SAMTOR: variants seen among roughly 807,000 people sequenced by gnomAD.
SAMTOR encodes the protein S-adenosylmethionine sensor upstream of mTORC1.
the SAMTOR span, among the ~76,000 whole-genome samples, chr7:112,856,989 T>A: frequency 6.6e-6 from 1 of 151,756 alleles, no homozygotes; most frequent in African/African-American, 2.4e-5. Context: ...GGTATTGAGT[T>A]ACATATAATC....
the SAMTOR span, among the ~76,000 whole-genome samples, chr7:112,922,689 C>T: frequency 3.3e-5 from 5 of 150,946 alleles, no homozygotes; most frequent in Admixed American, 1.3e-4. Context: ...CCGGCCGCCC[C>T]GTCTGAGAAG....
At chr7:112,861,992 G>A in the SAMTOR span, among the ~76,000 whole-genome samples, 2 of 152,192 alleles carry the variant, frequency 1.3e-5, no homozygotes, top group African/African-American at 4.8e-5. Flanking sequence ...AGCGGCTCAG[G>A]CCTTTAATCC....
chr7:112,837,374 T>A, the SAMTOR span, among the ~76,000 whole-genome samples: 12 of 152,064 alleles, frequency 7.9e-5, no homozygotes, highest in Admixed American at 6.6e-5. Context: ...AATCATGTCA[T>A]CTGCAAACAG....
chr7:112,821,612 A>T, the SAMTOR span: 23 of 835,068 alleles, frequency 2.8e-5, no homozygotes, highest in Non-Finnish European at 3.7e-5. Context: ...AGAAAAAAAT[A>T]GCAAACTCTG....
chr7:112,922,484 C>T, the SAMTOR span, among the ~76,000 whole-genome samples: 5 of 151,652 alleles, frequency 3.3e-5, no homozygotes, highest in South Asian at 2.1e-4. Flanking sequence ...CGTCTCTGCC[C>T]GGCCGCCATC....
chr7:112,894,608 G>A, the SAMTOR span, among the ~76,000 whole-genome samples: 6 of 152,252 alleles, frequency 3.9e-5, no homozygotes, highest in African/African-American at 1.2e-4. Context: ...AGGCAAGAGA[G>A]AATGAGAGCC....
chr7:112,857,217 G>C, the SAMTOR span, among the ~76,000 whole-genome samples: 6 of 147,834 alleles, frequency 4.1e-5, no homozygotes, highest in East Asian at 1.2e-3. Flanking sequence ...TCAGCCTCCC[G>C]AGTAGCTGGG....
At chr7:112,936,663 A>G in the SAMTOR span, among the ~76,000 whole-genome samples, 2 of 152,196 alleles carry the variant, frequency 1.3e-5, no homozygotes, top group Non-Finnish European at 2.9e-5. Flanking sequence ...AAGGGAAAAG[A>G]AGGCTCTGTT....
At chr7:112,899,990 T>C in the SAMTOR span, among the ~76,000 whole-genome samples, 2 of 152,128 alleles carry the variant, frequency 1.3e-5, no homozygotes, top group African/African-American at 4.8e-5. Context: ...TCTGAAAGTA[T>C]AATATAAAAC....
chr7:112,919,134 A>T, the SAMTOR span, among the ~76,000 whole-genome samples: 1 of 152,190 alleles, frequency 6.6e-6, no homozygotes, highest in African/African-American at 2.4e-5. Context: ...CCCCAAATCA[A>T]CAGAATATAC....
At chr7:112,923,331 C>A in the SAMTOR span, among the ~76,000 whole-genome samples, 1 of 151,948 alleles carries the variant, frequency 6.6e-6, no homozygotes, top group African/African-American at 2.4e-5. Context: ...CCCAGGGACA[C>A]AAACACTGCG....
the SAMTOR span, among the ~76,000 whole-genome samples, chr7:112,920,263 G>A: frequency 2.6e-5 from 4 of 152,164 alleles, no homozygotes; most frequent in Non-Finnish European, 5.9e-5. Context: ...GATCAAGTGG[G>A]CTTCATCCCT....
chr7:112,844,510 T>A, the SAMTOR span, among the ~76,000 whole-genome samples: 1 of 151,740 alleles, frequency 6.6e-6, no homozygotes, highest in African/African-American at 2.4e-5. Context: ...ACAATTGGCA[T>A]AAAAAGAATG....
chr7:112,824,547 G>C, the SAMTOR span, among the ~76,000 whole-genome samples: 1 of 151,958 alleles, frequency 6.6e-6, no homozygotes, highest in Non-Finnish European at 1.5e-5. Context: ...ATTTTTTGTA[G>C]AGACAGGGTT....
the SAMTOR span, among the ~76,000 whole-genome samples, chr7:112,917,126 C>G: frequency 0.011 from 1,621 of 152,338 alleles, 30 homozygotes; most frequent in African/African-American, 0.037. Context: ...AGCTGGAGAT[C>G]TGAGAACAGG....
At chr7:112,870,050 T>C in the SAMTOR span, among the ~76,000 whole-genome samples, 2 of 152,136 alleles carry the variant, frequency 1.3e-5, no homozygotes, top group East Asian at 3.8e-4. Flanking sequence ...AAATAAGGGA[T>C]TATGTAAAGC....
the SAMTOR span, among the ~76,000 whole-genome samples, chr7:112,922,237 C>T: frequency 4.6e-5 from 7 of 152,346 alleles, no homozygotes; most frequent in Admixed American, 6.5e-5. Flanking sequence ...GGATTGCAGA[C>T]GGAGTCTCAT....
At chr7:112,917,001 G>T in the SAMTOR span, among the ~76,000 whole-genome samples, 67 of 152,302 alleles carry the variant, frequency 4.4e-4, no homozygotes, top group African/African-American at 1.3e-3. Context: ...GCCTCTGTAG[G>T]CTCCACCTCT....
At chr7:112,895,818 A>G in the SAMTOR span, 1 of 938,160 alleles carries the variant, frequency 1.1e-6, no homozygotes. Flanking sequence ...GCTTTTATTA[A>G]TCAAGATGGG....
Sources: gnomAD v4.1 joint callset for allele counts (sites outside exome capture counted in the v4.1 genomes callset) on GRCh38, gnomAD v4.1.1 for gene constraint, MANE v1.5 for transcripts, NCBI Gene and HGNC (gene_info 2026-07-23, HGNC 2026-07-21) for gene names.